MED15: variants seen among roughly 807,000 people sequenced by gnomAD.
The protein encoded by MED15 is mediator complex subunit 15.
In MED15, 41 loss-of-function variants were observed where a neutral mutation model predicts 118.7. The ratio of observed to expected loss-of-function variants is 0.35; its 90% CI spans 0.27 to 0.45. The LOEUF (loss-of-function observed/expected upper bound fraction) is 0.45. MED15 is among the 20% of genes least tolerant of loss of function. MED15 has a pLI of 1.00. For missense variants in MED15, 740 were observed against 1,025.5 expected (o/e 0.72, Z 3.80); for synonymous variants, 436 against 413.9 (o/e 1.05, Z -0.65).
At chr22:20,572,366 G>A (rs2056691839) in intron 8 of MED15, among the ~76,000 whole-genome samples, 1 of 152,230 alleles carries the variant, frequency 6.6e-6, no homozygotes, top group African/African-American at 2.4e-5. Flanking sequence ...GGGATTGGGG[G>A]CCCCCATGCA....
intron 1 of MED15, among the ~76,000 whole-genome samples, chr22:20,510,925 C>T (rs1569161821): frequency 6.6e-6 from 1 of 152,120 alleles, no homozygotes; most frequent in Non-Finnish European, 1.5e-5. Flanking sequence ...CTACCACAGC[C>T]GGGAAGAGCA....
At chr22:20,542,275 A>G (rs553537261) in intron 2 of MED15, among the ~76,000 whole-genome samples, 39 of 152,388 alleles carry the variant, frequency 2.6e-4, no homozygotes, top group African/African-American at 7.9e-4. Context: ...ACAAATGTTT[A>G]TAGCATCATT....
At chr22:20,534,287 T>G (rs1435165236) in intron 1 of MED15, among the ~76,000 whole-genome samples, 1 of 151,798 alleles carries the variant, frequency 6.6e-6, no homozygotes, top group Non-Finnish European at 1.5e-5. Context: ...GAGGCCAAGG[T>G]GGAGGATCAC....
chr22:20,558,361 C>A (rs886097441), intron 5 of MED15, among the ~76,000 whole-genome samples: 1 of 151,994 alleles, frequency 6.6e-6, no homozygotes, highest in African/African-American at 2.4e-5. Flanking sequence ...CAGGGACTCT[C>A]AAAGGGTAGG....
intron 8 of MED15, among the ~76,000 whole-genome samples, chr22:20,570,631 TTCACCCGCC>T (rs1420550745): frequency 1.3e-5 from 2 of 151,622 alleles, no homozygotes; most frequent in African/African-American, 4.8e-5. Flanking sequence ...CCTCAAGTGA[TTCACCCGCC>T]TCAGCCTCCC....
chr22:20,526,649 C>T (rs1487670222), intron 1 of MED15, among the ~76,000 whole-genome samples: 1 of 152,178 alleles, frequency 6.6e-6, no homozygotes, highest in East Asian at 1.9e-4. Flanking sequence ...GGTTGCCTCT[C>T]AGTACAGTTA....
chr22:20,584,599 G>T, intron 14 of MED15, 174 bp downstream of exon 14: 1 of 870,052 alleles, frequency 1.1e-6, no homozygotes, highest in Non-Finnish European at 1.8e-6. Flanking sequence ...GAACATGGGA[G>T]AAGTCACCCT....
chr22:20,554,491 T>C (rs924663971), intron 4 of MED15: 4 of 156,266 alleles, frequency 2.6e-5, no homozygotes, highest in African/African-American at 9.6e-5. Context: ...AGTGGAGCTG[T>C]GTGTGCCTGT....
chr22:20,575,253 A>G, intron 9 of MED15, 21 bp downstream of exon 9: 2 of 1,611,186 alleles, frequency 1.2e-6, no homozygotes, highest in East Asian at 4.5e-5. Context: ...GGCAGCGCCC[A>G]GGGCACGGCT....
intron 9 of MED15, among the ~76,000 whole-genome samples, chr22:20,576,310 C>G (rs1011390680): frequency 1.3e-5 from 2 of 152,240 alleles, no homozygotes; most frequent in Non-Finnish European, 2.9e-5. Flanking sequence ...GGTCCCTGTC[C>G]ATCCCTGAAC....
chr22:20,531,471 TGGCTA>T (rs947197390), intron 1 of MED15, among the ~76,000 whole-genome samples: 1 of 152,096 alleles, frequency 6.6e-6, no homozygotes, highest in African/African-American at 2.4e-5. Flanking sequence ...AGCTGGTGAG[TGGCTA>T]GGTTGGAATT....
At chr22:20,578,215 G>A (rs1038281988) in intron 9 of MED15, among the ~76,000 whole-genome samples, 9 of 152,212 alleles carry the variant, frequency 5.9e-5, no homozygotes, top group African/African-American at 1.9e-4. Context: ...GTGAACCACT[G>A]CGCCCAGCCT....
chr22:20,563,254 A>T (rs76127527), intron 5 of MED15, among the ~76,000 whole-genome samples: 71 of 152,362 alleles, frequency 4.7e-4, no homozygotes, highest in South Asian at 8.3e-4. Flanking sequence ...ACGAATTTTA[A>T]CAGCAGCTTT....
rs960626972 is a variant in MED15, at chr22:20,564,554, C to G, written c.556C>G (p.Gln186Glu). 1 of 1,605,842 alleles carries G rather than the reference C, an allele frequency of 6.2e-7. No individual in the cohort carries two copies. Among genetic ancestry groups the G allele is most frequent in the Non-Finnish European group, 8.5e-7 (1 of 1,173,700 alleles). Residue 186 changes from glutamine to glutamate, a missense_variant, in exon 6 of 18, where the codon CAG becomes GAG. Coordinates refer to ENST00000263205, the MANE Select transcript of MED15 (RefSeq NM_001003891.3). ...ACAGCAGCAGCAGCAGCAGCAGCAA[C>G]AGCAGCAGTTCCAGGCTCAGCAGAG... The part of the protein sequence containing the change: ...ALQQQQQQQQ[Q>E]QQFQAQQSAM...
At chr22:20,585,058 T>TG (rs758728418) in intron 15 of MED15, 43 bp downstream of exon 15, 1 of 1,613,464 alleles carries the variant, frequency 6.2e-7, no homozygotes, top group East Asian at 2.2e-5. Flanking sequence ...CGGCCAGCCC[T>TG]GGGCCGCGTG....
intron 1 of MED15, among the ~76,000 whole-genome samples, chr22:20,526,007 G>A (rs999654238): frequency 2.0e-5 from 3 of 150,662 alleles, no homozygotes; most frequent in East Asian, 2.0e-4. Flanking sequence ...TGCAGCTTCC[G>A]CCTCCTGGGC....
chr22:20,578,393 C>A (rs116277470), intron 9 of MED15, among the ~76,000 whole-genome samples: 3,778 of 152,308 alleles, frequency 0.025, 165 homozygotes, highest in African/African-American at 0.086. Context: ...GCCTTCCCCG[C>A]AGAGGGCCCT....
chr22:20,529,866 A>G (rs1442693777), intron 1 of MED15, among the ~76,000 whole-genome samples: 3 of 152,176 alleles, frequency 2.0e-5, no homozygotes, highest in South Asian at 2.1e-4. Flanking sequence ...TGCTGGGATT[A>G]CAGGCGTGAG....
chr22:20,583,204 C>A lies in MED15; in HGVS notation c.1629C>A (p.Ile543=), dbSNP rs771642095. 1 of 1,611,962 alleles carries A rather than the reference C, an allele frequency of 6.2e-7. No homozygotes were observed. Among genetic ancestry groups the A allele is most frequent in the Non-Finnish European group, 8.5e-7 (1 of 1,179,182 alleles). ...LDKLKQLSKY[I]EPLRRMINKI... ...AGCTGAAGCAGCTGTCGAAGTACAT[C>A]GAGCCCCTGCGCCGCATGATCAACA... The change falls in exon 12 of 18, where the codon ATC becomes ATA. Residue 543 remains isoleucine (I), a synonymous_variant. Transcript: ENST00000263205.
Sources: allele counts gnomAD v4.1 joint callset (sites outside exome capture counted in the v4.1 genomes callset), GRCh38; gene constraint gnomAD v4.1.1; transcripts MANE v1.5; gene names NCBI Gene and HGNC (gene_info 2026-07-23, HGNC 2026-07-21).